EDA: variants seen among roughly 807,000 people sequenced by gnomAD.
EDA encodes the protein ectodysplasin A.
In EDA, 2 loss-of-function variants were observed where a neutral mutation model predicts 23.6. The observed-to-expected ratio is 0.08, with a 90% CI of 0.03 to 0.27. EDA has a LOEUF of 0.27. Ranked by LOEUF, EDA falls within the 10% of genes least tolerant of loss-of-function variation. EDA has a pLI of 1.00. For missense variants in EDA, 229 were observed against 324.2 expected (o/e 0.71, Z 2.26); for synonymous variants, 131 against 132.0 (o/e 0.99, Z 0.05).
chrX:69,788,955 G>A (rs943540904), intron 1 of EDA, among the ~76,000 whole-genome samples: 93 of 112,363 alleles, frequency 8.3e-4, no homozygotes, highest in African/African-American at 2.6e-3. Flanking sequence ...CTCCGTGGGC[G>A]TAGGACCCTC....
intron 1 of EDA, among the ~76,000 whole-genome samples, chrX:69,834,386 T>A (rs1184392699): frequency 9.0e-6 from 1 of 111,465 alleles, no homozygotes; most frequent in Non-Finnish European, 1.9e-5. Flanking sequence ...ATCTGGATGC[T>A]CCTGTATTGG....
chrX:69,936,349 C>T (rs773919426), intron 1 of EDA, among the ~76,000 whole-genome samples: 2 of 111,279 alleles, frequency 1.8e-5, no homozygotes, highest in South Asian at 7.5e-4. Flanking sequence ...ACTAAGTATT[C>T]AATCACAAGG....
chrX:69,817,457 G>A (rs2147511008), intron 1 of EDA, among the ~76,000 whole-genome samples: 1 of 111,984 alleles, frequency 8.9e-6, no homozygotes, highest in South Asian at 3.7e-4. Flanking sequence ...CCATTAGTAT[G>A]CTGTCTTCAG....
At chrX:69,794,868 G>T (rs977533332) in intron 1 of EDA, among the ~76,000 whole-genome samples, 1 of 111,751 alleles carries the variant, frequency 8.9e-6, no homozygotes, top group Middle Eastern at 4.2e-3. Context: ...TAAGGACTAG[G>T]TTTGTGTGTA....
intron 1 of EDA, among the ~76,000 whole-genome samples, chrX:69,772,134 A>T (rs891936748): frequency 9.0e-6 from 1 of 110,510 alleles, no homozygotes; most frequent in Non-Finnish European, 1.9e-5. Context: ...TTATTTTTTA[A>T]TATTTTCTAG....
At chrX:69,975,117 T>C (rs2382970) in intron 2 of EDA, among the ~76,000 whole-genome samples, 9,865 of 111,144 alleles carry the variant, frequency 0.089, 848 homozygotes, top group East Asian at 0.61. Context: ...TTACTGGGTA[T>C]ATATCCAAAA....
intron 2 of EDA, among the ~76,000 whole-genome samples, chrX:70,000,913 G>T (rs1210566814): frequency 8.9e-6 from 1 of 111,737 alleles, no homozygotes. Context: ...AATTTCCCTG[G>T]AAGAGAAATG....
intron 1 of EDA, among the ~76,000 whole-genome samples, chrX:69,842,834 CTCTT>C (rs1345165325): frequency 3.2e-4 from 36 of 111,396 alleles, no homozygotes; most frequent in African/African-American, 1.1e-3. Flanking sequence ...GACTCTCTCT[CTCTT>C]GCCCCTGCTC....
chrX:69,785,222 A>G lies in EDA; in HGVS notation c.396+168518A>G, dbSNP rs768108660. Among the ~76,000 whole-genome samples the G allele has an allele frequency of 2.0e-3, 185 of 94,801 alleles. 1 individual carries two copies. The highest frequency in any genetic ancestry group is 6.7e-3 in the African/African-American group (178 of 26,711). The allele number at this position is 94,801 out of a possible 115,157, so 82.3% of individuals were successfully genotyped here. On this transcript the variant is annotated intron_variant, in intron 1 of 7. Coordinates refer to ENST00000374552, the MANE Select transcript of EDA (RefSeq NM_001399.5). ...GACAATGGGGTTTTCTAGATATACAATCATGTCGTCTGCAAACAGGGACAA... is the reference window on the plus strand; with the variant it reads ...GACAATGGGGTTTTCTAGATATACAGTCATGTCGTCTGCAAACAGGGACAA...
chrX:69,791,669 AG>A (rs2015408646), intron 1 of EDA, among the ~76,000 whole-genome samples: 1 of 109,974 alleles, frequency 9.1e-6, no homozygotes, highest in Non-Finnish European at 1.9e-5. Flanking sequence ...TTGGAGATGG[AG>A]TTTCACTCTC....
intron 1 of EDA, among the ~76,000 whole-genome samples, chrX:69,793,570 G>GTT (rs67241807): frequency 0.45 from 26,056 of 58,290 alleles, 5,695 homozygotes; most frequent in East Asian, 0.79. Flanking sequence ...GTTTGTTTTT[G>GTT]TTTTTTTTTT....
At chrX:69,896,779 C>T (rs766560191) in intron 1 of EDA, among the ~76,000 whole-genome samples, 1 of 110,978 alleles carries the variant, frequency 9.0e-6, no homozygotes, top group South Asian at 3.8e-4. Flanking sequence ...TTGACTTATT[C>T]ATGCCTTTAA....
At chrX:69,748,568 A>G (rs1251520135) in intron 1 of EDA, among the ~76,000 whole-genome samples, 2 of 111,644 alleles carry the variant, frequency 1.8e-5, no homozygotes, top group African/African-American at 6.5e-5. Flanking sequence ...AAAAAAGAAA[A>G]AAGAAAAGAA....
chrX:69,943,312 TC>T (rs1342551458), intron 1 of EDA, among the ~76,000 whole-genome samples: 1 of 111,580 alleles, frequency 9.0e-6, no homozygotes, highest in Non-Finnish European at 1.9e-5. Context: ...AACCCATCCT[TC>T]TTGGGAGGGC....
At chrX:69,787,639 TAG>T (rs1208974256) in intron 1 of EDA, among the ~76,000 whole-genome samples, 1 of 111,551 alleles carries the variant, frequency 9.0e-6, no homozygotes, top group Non-Finnish European at 1.9e-5. Flanking sequence ...TTCTGGCTTG[TAG>T]AGTTTCTGCC....
chrX:69,697,302 G>A (rs2011381403), intron 1 of EDA, among the ~76,000 whole-genome samples: 1 of 111,428 alleles, frequency 9.0e-6, no homozygotes, highest in Non-Finnish European at 1.9e-5. Context: ...CTCTCTTCCT[G>A]CTTCTGCTAT....
rs775752620 is a variant in EDA at position 69,786,183 on chromosome X, T to C, written c.396+169479T>C. Among the ~76,000 whole-genome samples the C allele has an allele frequency of 2.2e-4, 25 of 111,743 alleles. No homozygotes were observed. The South Asian group carries it at 8.6e-3, about 39-fold the overall frequency. On this transcript the variant is annotated intron_variant, in intron 1 of 7. Coordinates refer to ENST00000374552, the MANE Select transcript of EDA (RefSeq NM_001399.5). ...ATTGCATCTATTTTATTGTCTCTTT[T>C]TTTCTTTATTAGTCTTGCTAGCGGT... is the stretch of plus-strand genomic sequence containing the variant.
intron 1 of EDA, among the ~76,000 whole-genome samples, chrX:69,890,820 C>T (rs1253146218): frequency 2.7e-5 from 3 of 111,101 alleles, no homozygotes; most frequent in African/African-American, 9.8e-5. Context: ...TAGGCAATAC[C>T]ATTCAATACA....
chrX:69,952,669 G>T (rs2018944474), intron 1 of EDA, among the ~76,000 whole-genome samples: 1 of 112,045 alleles, frequency 8.9e-6, no homozygotes, highest in Non-Finnish European at 1.9e-5. Flanking sequence ...TCTCTTGAGG[G>T]ACTTTGAACT....
Sources: allele counts gnomAD v4.1 joint callset (sites outside exome capture counted in the v4.1 genomes callset), GRCh38; gene constraint gnomAD v4.1.1; transcripts MANE v1.5; gene names NCBI Gene and HGNC (gene_info 2026-07-23, HGNC 2026-07-21).